The following TNIK variants were observed in gnomAD, a reference collection of about 807,000 sequenced individuals.
The protein encoded by TNIK is TRAF2 and NCK interacting kinase.
TNIK carries 49 observed loss-of-function variants against 191.3 expected under a neutral mutation model. The observed-to-expected ratio is 0.26, with a 90% CI of 0.20 to 0.32. TNIK has a LOEUF of 0.32. TNIK is among the 10% of genes least tolerant of loss of function. The pLI, the probability that TNIK is intolerant of heterozygous loss-of-function variation, is 1.00. For synonymous variants in TNIK, 594 were observed against 600.9 expected (o/e 0.99, Z 0.17); for missense variants, 1,155 against 1,702.3 (o/e 0.68, Z 5.66).
At chr3:171,306,291 C>A (rs1753444264) in intron 2 of TNIK, among the ~76,000 whole-genome samples, 1 of 152,106 alleles carries the variant, frequency 6.6e-6, no homozygotes, top group Non-Finnish European at 1.5e-5. Flanking sequence ...AGTCATTAAA[C>A]AATCTGTACA....
intron 31 of TNIK, 109 bp downstream of exon 31, chr3:171,066,467 A>ATTT (rs145832204): frequency 6.7e-4 from 874 of 1,310,112 alleles, no homozygotes; most frequent in South Asian, 1.6e-3. Context: ...TTATTCACAG[A>ATTT]TTTTTTTTTT....
intron 2 of TNIK, among the ~76,000 whole-genome samples, chr3:171,277,048 C>T (rs551513148): frequency 3.3e-5 from 5 of 152,264 alleles, no homozygotes; most frequent in Admixed American, 6.5e-5. Context: ...GTCATGAGGG[C>T]TCTGCCCTCA....
At chr3:171,219,095 TATA>T (rs1180944106) in intron 3 of TNIK, among the ~76,000 whole-genome samples, 3 of 132,746 alleles carry the variant, frequency 2.3e-5, no homozygotes, top group Non-Finnish European at 4.6e-5. Flanking sequence ...TATATAAATA[TATA>T]ATTATAAATA....
At chr3:171,450,643 T>C (rs996071847) in intron 1 of TNIK, among the ~76,000 whole-genome samples, 2 of 152,206 alleles carry the variant, frequency 1.3e-5, no homozygotes, top group African/African-American at 2.4e-5. Context: ...CCCCTTTACT[T>C]TTCATTTTAG....
At chr3:171,148,688 G>A (rs934170676) in intron 12 of TNIK, among the ~76,000 whole-genome samples, 6 of 152,174 alleles carry the variant, frequency 3.9e-5, no homozygotes. Context: ...ACGTAGAAAG[G>A]TTGCAGGAAC....
intron 12 of TNIK, among the ~76,000 whole-genome samples, chr3:171,152,685 G>A (rs1732605062): frequency 6.6e-6 from 1 of 152,152 alleles, no homozygotes; most frequent in East Asian, 1.9e-4. Context: ...GACTCCCTGG[G>A]CAGGTTGCTT....
chr3:171,358,621 A>G (rs572414165), intron 2 of TNIK, among the ~76,000 whole-genome samples: 8 of 152,312 alleles, frequency 5.3e-5, no homozygotes, highest in African/African-American at 1.4e-4. Context: ...ATGCTTGCGT[A>G]TTTTTTGTGG....
intron 19 of TNIK, among the ~76,000 whole-genome samples, chr3:171,109,674 A>G (rs1725543193): frequency 6.6e-6 from 1 of 152,236 alleles, no homozygotes; most frequent in Non-Finnish European, 1.5e-5. Flanking sequence ...TCAAATTGCA[A>G]TTAAAGTACT....
At chr3:171,199,364 C>T (rs1739131256) in intron 4 of TNIK, among the ~76,000 whole-genome samples, 1 of 152,164 alleles carries the variant, frequency 6.6e-6, no homozygotes, top group African/African-American at 2.4e-5. Context: ...ATGCCAAGCT[C>T]AGCAGTGATA....
At chr3:171,239,741 G>T (rs1327498920) in intron 2 of TNIK, among the ~76,000 whole-genome samples, 2 of 152,302 alleles carry the variant, frequency 1.3e-5, no homozygotes, top group African/African-American at 4.8e-5. Context: ...ATGCAGGATG[G>T]CTCTTACATA....
Position 171,369,535 on chromosome 3 carries a change from T to A in TNIK, c.123+85A>T, listed in dbSNP as rs1716198855. 5.7e-6 allele frequency: 6 copies of A among 1,047,096 alleles called. No individual in the cohort carries two copies. The East Asian group carries it at 1.6e-4, about 28-fold the overall frequency. The allele number at this position is 1,047,096 out of a possible 1,614,324, so 64.9% of individuals were successfully genotyped here. On this transcript the variant is annotated intron_variant, in intron 2 of 32. Transcript: ENST00000436636. ...TCATTTTAAATTTGTTAGGAGCCAT[T>A]TATGAGCCAGTATAGACAGCACTGC...
intron 26 of TNIK, 93 bp from the exon 27 acceptor site, chr3:171,082,487 G>T: frequency 7.0e-7 from 1 of 1,436,796 alleles, no homozygotes. Flanking sequence ...ACTGTGACTT[G>T]TAAATATACA....
intron 18 of TNIK, among the ~76,000 whole-genome samples, chr3:171,118,449 A>C (rs1727107811): frequency 6.6e-6 from 1 of 152,190 alleles, no homozygotes; most frequent in South Asian, 2.1e-4. Flanking sequence ...TTTAAAGTTC[A>C]TATGGAACCA....
At chr3:171,406,266 C>T (rs530604015) in intron 1 of TNIK, among the ~76,000 whole-genome samples, 37 of 152,184 alleles carry the variant, frequency 2.4e-4, no homozygotes, top group Non-Finnish European at 3.8e-4. Context: ...CACTCTACTG[C>T]CTCCCTAGAT....
At chr3:171,215,144 A>T (rs1399814992) in intron 3 of TNIK, among the ~76,000 whole-genome samples, 1 of 152,146 alleles carries the variant, frequency 6.6e-6, no homozygotes, top group Non-Finnish European at 1.5e-5. Context: ...CTTGCCAGAG[A>T]ACCAACCCTT....
At chr3:171,145,347 A>G (rs1246988594) in intron 12 of TNIK, among the ~76,000 whole-genome samples, 1 of 151,924 alleles carries the variant, frequency 6.6e-6, no homozygotes, top group African/African-American at 2.4e-5. Context: ...CGGCCTCCCA[A>G]AGTGCTGGGA....
intron 2 of TNIK, among the ~76,000 whole-genome samples, chr3:171,347,616 C>T (rs1282474165): frequency 2.0e-5 from 3 of 152,110 alleles, no homozygotes; most frequent in Admixed American, 6.6e-5. Flanking sequence ...ATTTAGCGTA[C>T]AATACCCAGG....
At chr3:171,290,650 T>G (rs1426932836) in intron 2 of TNIK, among the ~76,000 whole-genome samples, 3 of 152,228 alleles carry the variant, frequency 2.0e-5, no homozygotes, top group Non-Finnish European at 2.9e-5. Context: ...GCCAGAATCT[T>G]ATCTTTAAGA....
At position 171,110,889 on chromosome 3, in the gene TNIK, A is replaced by T; in HGVS notation, c.2121-12T>A. 1 of 1,593,060 alleles carries T rather than the reference A, an allele frequency of 6.3e-7. No homozygotes were observed. The highest frequency in any genetic ancestry group is 1.2e-5 in the South Asian group (1 of 86,506). ...GGAGATCAGGGTTGCTGTGTGAGTGACAGAGCACACTGGTTACACTCTCCA... is the reference window on the plus strand; with the variant it reads ...GGAGATCAGGGTTGCTGTGTGAGTGTCAGAGCACACTGGTTACACTCTCCA... On this transcript the variant is annotated splice_polypyrimidine_tract_variant and intron_variant, in intron 18 of 32. Transcript: ENST00000436636.
Sources: gnomAD v4.1 joint callset for allele counts (sites outside exome capture counted in the v4.1 genomes callset) on GRCh38, gnomAD v4.1.1 for gene constraint, MANE v1.5 for transcripts, NCBI Gene and HGNC (gene_info 2026-07-23, HGNC 2026-07-21) for gene names.